Variants in DPP6 observed in about 807,000 individuals in gnomAD.
DPP6 encodes the protein dipeptidyl peptidase like 6.
DPP6 carries 69 observed loss-of-function variants against 122.6 expected under a neutral mutation model. The observed-to-expected ratio is 0.56, with a 90% CI of 0.46 to 0.69. The LOEUF (loss-of-function observed/expected upper bound fraction) is 0.69, where lower values mean the gene tolerates loss of function less well. DPP6 is among the 30% of genes least tolerant of loss of function. The pLI, the probability that DPP6 is intolerant of heterozygous loss-of-function variation, is 0.00. For synonymous variants in DPP6, 418 were observed against 433.1 expected (o/e 0.97, Z 0.43); for missense variants, 928 against 1,116.9 (o/e 0.83, Z 2.41).
intron 1 of DPP6, among the ~76,000 whole-genome samples, chr7:154,216,366 G>A (rs1156730250): frequency 6.6e-6 from 1 of 152,208 alleles, no homozygotes; most frequent in Non-Finnish European, 1.5e-5. Flanking sequence ...ACCCTTACTT[G>A]AGGATGCATA....
At chr7:154,127,597 TCACACACACACA>T (rs71182879) in intron 1 of DPP6, among the ~76,000 whole-genome samples, 37 of 136,742 alleles carry the variant, frequency 2.7e-4, no homozygotes, top group Non-Finnish European at 4.4e-4. Flanking sequence ...GAGCAGCATC[TCACACACACACA>T]CACACACACA....
chr7:154,866,393 G>A lies in DPP6; in HGVS notation c.1715-1602G>A, dbSNP rs568601988. On this transcript the variant is annotated intron_variant, in intron 17 of 25. Coordinates refer to ENST00000377770, the MANE Select transcript of DPP6 (RefSeq NM_130797.4). ...CCCATCCATTAGGAACATGGGCTGA[G>A]GCTGTGAAGCTGGCGCAGGGGCATG... 3.3e-5 allele frequency among the ~76,000 whole-genome samples: 5 copies of A among 152,350 alleles called. No homozygotes were observed. The East Asian group carries it at 9.6e-4, about 29-fold the overall frequency.
At chr7:154,221,639 A>G (rs1800312609) in intron 1 of DPP6, among the ~76,000 whole-genome samples, 1 of 152,162 alleles carries the variant, frequency 6.6e-6, no homozygotes, top group Non-Finnish European at 1.5e-5. Context: ...ACAATAAATC[A>G]CAGGAAGGTG....
chr7:154,404,810 G>C (rs1330703540), intron 1 of DPP6, among the ~76,000 whole-genome samples: 1 of 152,142 alleles, frequency 6.6e-6, no homozygotes, highest in African/African-American at 2.4e-5. Context: ...ATGTTGATAT[G>C]CTCTGATACA....
intron 1 of DPP6, among the ~76,000 whole-genome samples, chr7:154,353,412 T>A (rs1165104735): frequency 6.6e-6 from 1 of 151,980 alleles, no homozygotes; most frequent in Admixed American, 6.6e-5. Flanking sequence ...CCCTGCAAAG[T>A]GGGAGGGCAT....
the DPP6 span, among the ~76,000 whole-genome samples, chr7:153,762,805 T>A: frequency 6.6e-6 from 1 of 151,808 alleles, no homozygotes; most frequent in African/African-American, 2.4e-5. Context: ...TAAAATAAAA[T>A]AAACCCCACC....
At chr7:154,281,292 C>T (rs751437980) in intron 1 of DPP6, among the ~76,000 whole-genome samples, 4 of 152,162 alleles carry the variant, frequency 2.6e-5, no homozygotes, top group Non-Finnish European at 5.9e-5. Flanking sequence ...GGATTACAGG[C>T]ATAAGCCGCT....
At chr7:153,796,812 C>T in the DPP6 span, among the ~76,000 whole-genome samples, 1 of 152,050 alleles carries the variant, frequency 6.6e-6, no homozygotes, top group Non-Finnish European at 1.5e-5. Flanking sequence ...CATGTGGATT[C>T]CAGGAGGGTA....
chr7:154,533,547 A>G (rs948778864), intron 3 of DPP6, among the ~76,000 whole-genome samples: 2 of 152,316 alleles, frequency 1.3e-5, no homozygotes, highest in Admixed American at 1.3e-4. Context: ...ATTTTTTCAG[A>G]AAATAGAATA....
At chr7:153,788,664 T>C in the DPP6 span, among the ~76,000 whole-genome samples, 1 of 152,050 alleles carries the variant, frequency 6.6e-6, no homozygotes, top group Admixed American at 6.6e-5. Flanking sequence ...TCTCAACTCA[T>C]ATTAAAAATG....
intron 3 of DPP6, among the ~76,000 whole-genome samples, chr7:154,503,912 T>C (rs1379937007): frequency 6.6e-6 from 1 of 152,192 alleles, no homozygotes; most frequent in Non-Finnish European, 1.5e-5. Flanking sequence ...TGTTTACCCA[T>C]GTAACAAAGC....
At chr7:154,051,747 G>A (rs1221963299), upstream of DPP6, among the ~76,000 whole-genome samples, 15 of 150,632 alleles carry the variant, frequency 1.0e-4, no homozygotes, top group Non-Finnish European at 1.5e-5. Flanking sequence ...CGCGAGGGGC[G>A]CCTGGGCCTC....
intron 5 of DPP6, among the ~76,000 whole-genome samples, chr7:154,623,291 A>G (rs1834814732): frequency 6.6e-6 from 1 of 152,082 alleles, no homozygotes; most frequent in Admixed American, 6.6e-5. Flanking sequence ...CCCAGGGAAT[A>G]TTTCTCTTTA....
chr7:154,024,656 G>A lies in DPP6; in HGVS notation c.51+136922G>A, dbSNP rs4726369. 6.2e-3 allele frequency among the ~76,000 whole-genome samples: 949 copies of A among 152,270 alleles called. 1 individual carries two copies. Among genetic ancestry groups the A allele is most frequent in the Non-Finnish European group, 8.9e-3 (606 of 68,024 alleles). Reference sequence around the variant, plus strand: ...AGACAATCTGTAAAATCCCTTTAACGTGCGTATGTTATGATTGCATAATGT... The same window carrying A: ...AGACAATCTGTAAAATCCCTTTAACATGCGTATGTTATGATTGCATAATGT... On this transcript the variant is annotated intron_variant, in intron 1 of 25. Coordinates refer to the DPP6 transcript ENST00000404039.
intron 3 of DPP6, among the ~76,000 whole-genome samples, chr7:154,489,217 C>T (rs1243283877): frequency 6.6e-6 from 1 of 152,170 alleles, no homozygotes; most frequent in Non-Finnish European, 1.5e-5. Flanking sequence ...TTGCCCTAAA[C>T]TGTTGCCAAT....
At chr7:153,999,585 A>G (rs1392735711) in intron 1 of DPP6, among the ~76,000 whole-genome samples, 1 of 152,182 alleles carries the variant, frequency 6.6e-6, no homozygotes, top group East Asian at 1.9e-4. Context: ...CCTATGAAGG[A>G]TAAGTCCTTA....
chr7:153,843,009 C>T, the DPP6 span, among the ~76,000 whole-genome samples: 288 of 152,104 alleles, frequency 1.9e-3, 2 homozygotes, highest in African/African-American at 6.6e-3. Flanking sequence ...CACATACACA[C>T]ATACACACAA....
chr7:154,516,892 C>A (rs1044836529), intron 3 of DPP6, among the ~76,000 whole-genome samples: 5 of 152,116 alleles, frequency 3.3e-5, no homozygotes, highest in African/African-American at 1.2e-4. Flanking sequence ...CAACACGGAC[C>A]AAGGCACCAG....
At chr7:154,057,518 AGG>A (rs1168106032) in intron 1 of DPP6, 2 of 131,858 alleles carry the variant, frequency 1.5e-5, no homozygotes, top group Admixed American at 1.4e-4. Flanking sequence ...ACAATACGAC[AGG>A]GGTCCGAACG....
Sources: gnomAD v4.1 joint callset for allele counts (sites outside exome capture counted in the v4.1 genomes callset) on GRCh38, gnomAD v4.1.1 for gene constraint, MANE v1.5 for transcripts, NCBI Gene and HGNC (gene_info 2026-07-23, HGNC 2026-07-21) for gene names.